Variants in SLC24A3 observed in about 807,000 individuals in gnomAD.
The protein encoded by SLC24A3 is sodium/potassium/calcium exchanger 3.
SLC24A3 carries 28 observed loss-of-function variants against 75.8 expected under a neutral mutation model. The observed-to-expected ratio is 0.37, with a 90% CI of 0.27 to 0.51. The LOEUF (loss-of-function observed/expected upper bound fraction) is 0.51, where lower values mean the gene tolerates loss of function less well. Among genes scored for constraint, SLC24A3 ranks in the 20% least tolerant of loss-of-function variants. The pLI, the probability that SLC24A3 is intolerant of heterozygous loss-of-function variation, is 0.94. For synonymous variants in SLC24A3, 372 were observed against 334.1 expected (o/e 1.11, Z -1.24); for missense variants, 663 against 847.8 (o/e 0.78, Z 2.71).
At chr20:19,292,820 A>G (rs1447579873) in intron 2 of SLC24A3, among the ~76,000 whole-genome samples, 2 of 152,242 alleles carry the variant, frequency 1.3e-5, no homozygotes, top group Admixed American at 1.3e-4. Context: ...GGAAGCTGGA[A>G]GTCCAAGGCC....
At chr20:19,497,126 C>T (rs971650898) in intron 2 of SLC24A3, among the ~76,000 whole-genome samples, 1 of 152,204 alleles carries the variant, frequency 6.6e-6, no homozygotes, top group African/African-American at 2.4e-5. Flanking sequence ...TAGAAAGAGT[C>T]CCTACAAAAG....
At chr20:19,709,938 A>T (rs1298340425) in intron 15 of SLC24A3, among the ~76,000 whole-genome samples, 2 of 152,218 alleles carry the variant, frequency 1.3e-5, no homozygotes, top group Admixed American at 6.5e-5. Flanking sequence ...GGACTTAGGG[A>T]TGCAACTGTC....
intron 1 of SLC24A3, among the ~76,000 whole-genome samples, chr20:19,274,186 G>A (rs1568575124): frequency 2.6e-5 from 4 of 151,698 alleles, no homozygotes; most frequent in Admixed American, 6.6e-5. Context: ...GTTGATGCCT[G>A]TGATTGCCGC....
At chr20:19,292,419 C>T (rs1431533314) in intron 2 of SLC24A3, among the ~76,000 whole-genome samples, 1 of 152,116 alleles carries the variant, frequency 6.6e-6, no homozygotes, top group Non-Finnish European at 1.5e-5. Context: ...CTACAAAAAC[C>T]CAGGCGGAAA....
chr20:19,478,726 G>A (rs143977946), intron 2 of SLC24A3, among the ~76,000 whole-genome samples: 93 of 152,258 alleles, frequency 6.1e-4, no homozygotes, highest in African/African-American at 2.0e-3. Context: ...TTCTGTGTCC[G>A]ATAGATAAGT....
chr20:19,523,357 G>A (rs547135678), intron 3 of SLC24A3, among the ~76,000 whole-genome samples: 1 of 152,278 alleles, frequency 6.6e-6, no homozygotes, highest in East Asian at 1.9e-4. Context: ...AATAGCTTGT[G>A]GAATTTGCTG....
chr20:19,476,967 G>A (rs3790223), intron 2 of SLC24A3, among the ~76,000 whole-genome samples: 51,452 of 151,818 alleles, frequency 0.34, 9,252 homozygotes, highest in African/African-American at 0.45. Flanking sequence ...GTAAGGGCTC[G>A]TTTTTCTTGC....
chr20:19,493,767 A>T (rs1203702355), intron 2 of SLC24A3, among the ~76,000 whole-genome samples: 1 of 152,188 alleles, frequency 6.6e-6, no homozygotes, highest in Admixed American at 6.5e-5. Context: ...TTCTCAAGCC[A>T]ATGGCCAGTT....
At position 19,399,099 on chromosome 20, in the gene SLC24A3, C is replaced by A. The variant is rs577626743; in HGVS notation, c.272-116389C>A. 1.1e-4 allele frequency among the ~76,000 whole-genome samples: 17 copies of A among 152,214 alleles called. No homozygotes were observed. In the South Asian group the frequency reaches 3.5e-3, roughly 32 times the overall value. On this transcript the variant is annotated intron_variant, in intron 2 of 16. Transcript: ENST00000328041. ...GGTTGTTGAAATATCTACTTAGTGT[C>A]CATTACATATATATAGAATCTGTGT... is the stretch of plus-strand genomic sequence containing the variant.
At chr20:19,366,303 T>C (rs1985890661) in intron 2 of SLC24A3, among the ~76,000 whole-genome samples, 1 of 152,202 alleles carries the variant, frequency 6.6e-6, no homozygotes, top group African/African-American at 2.4e-5. Flanking sequence ...ATCTAATTGT[T>C]CCTAAAAGTT....
At chr20:19,549,049 C>T (rs998345300) in intron 3 of SLC24A3, among the ~76,000 whole-genome samples, 2 of 152,174 alleles carry the variant, frequency 1.3e-5, no homozygotes, top group Admixed American at 6.5e-5. Context: ...TGAGCCTTAA[C>T]GGCCAGCCAG....
intron 2 of SLC24A3, among the ~76,000 whole-genome samples, chr20:19,358,132 C>T (rs1036733524): frequency 6.6e-6 from 1 of 152,156 alleles, no homozygotes; most frequent in African/African-American, 2.4e-5. Context: ...TTTGCAGTGC[C>T]TAAAATTCCA....
chr20:19,423,898 C>T (rs796977432), intron 2 of SLC24A3, among the ~76,000 whole-genome samples: 34 of 152,178 alleles, frequency 2.2e-4, no homozygotes, highest in African/African-American at 8.0e-4. Flanking sequence ...GAGGTAGGCA[C>T]CCAAGCCTGG....
rs1054686985 is a variant in SLC24A3, at chr20:19,608,994, A to T, written c.612+23450A>T. Among the ~76,000 whole-genome samples, 67 of 152,228 alleles carry T rather than the reference A, an allele frequency of 4.4e-4. 1 individual carries two copies. On this transcript the variant is annotated intron_variant, in intron 6 of 16. Coordinates refer to ENST00000328041, the MANE Select transcript of SLC24A3 (RefSeq NM_020689.4). The stretch of plus-strand genomic sequence containing the variant: ...GGGTTTCATGAGGCAGACGTGTTGA[A>T]TGATGTCTCCATCCCACGTACAAAG...
At chr20:19,539,371 AG>A (rs1193173597) in intron 3 of SLC24A3, among the ~76,000 whole-genome samples, 8 of 152,136 alleles carry the variant, frequency 5.3e-5, no homozygotes, top group Admixed American at 4.6e-4. Context: ...AGCTGGGGGC[AG>A]GGTTCCTTCA....
At chr20:19,216,250 G>T (rs1981549851) in intron 1 of SLC24A3, among the ~76,000 whole-genome samples, 1 of 151,810 alleles carries the variant, frequency 6.6e-6, no homozygotes, top group Non-Finnish European at 1.5e-5. Context: ...TATTTTGAGT[G>T]GTTTAAAAGT....
chr20:19,379,605 C>G (rs1014942295), intron 2 of SLC24A3, among the ~76,000 whole-genome samples: 1 of 152,134 alleles, frequency 6.6e-6, no homozygotes, highest in Non-Finnish European at 1.5e-5. Flanking sequence ...CCCCCAGTTA[C>G]CTTTGTAACC....
chr20:19,537,731 A>T (rs1228509259), intron 3 of SLC24A3, among the ~76,000 whole-genome samples: 2 of 152,152 alleles, frequency 1.3e-5, no homozygotes, highest in East Asian at 3.8e-4. Context: ...CTTTGTAGGG[A>T]CATGGATGAA....
intron 1 of SLC24A3, among the ~76,000 whole-genome samples, chr20:19,219,069 G>C (rs1981639325): frequency 6.6e-6 from 1 of 152,036 alleles, no homozygotes; most frequent in African/African-American, 2.4e-5. Context: ...TTCACAAATG[G>C]GATTATCCTG....
Sources: allele counts gnomAD v4.1 joint callset (sites outside exome capture counted in the v4.1 genomes callset), GRCh38; gene constraint gnomAD v4.1.1; transcripts MANE v1.5; gene names NCBI Gene and HGNC (gene_info 2026-07-23, HGNC 2026-07-21).